The following ZCCHC7 variants were observed in gnomAD, a reference collection of about 807,000 sequenced individuals.
ZCCHC7 encodes the protein zinc finger CCHC domain-containing protein 7.
Under a neutral mutation model 52.0 loss-of-function variants are expected in ZCCHC7, and 35 were observed. That is an observed-to-expected ratio of 0.67 (90% confidence interval 0.51 to 0.89). The LOEUF (loss-of-function observed/expected upper bound fraction) is 0.89. ZCCHC7 is among the 40% of genes least tolerant of loss of function. The pLI is 0.00. For synonymous variants in ZCCHC7, 217 were observed against 221.5 expected (o/e 0.98, Z 0.18); for missense variants, 574 against 649.1 (o/e 0.88, Z 1.26).
intron 4 of ZCCHC7, among the ~76,000 whole-genome samples, chr9:37,305,131 T>G (rs1829238824): frequency 6.6e-6 from 1 of 152,220 alleles, no homozygotes; most frequent in Non-Finnish European, 1.5e-5. Context: ...CTCCTTCCTC[T>G]TCCAAATGAC....
intron 2 of ZCCHC7, among the ~76,000 whole-genome samples, chr9:37,129,924 C>A (rs1292552127): frequency 6.6e-6 from 1 of 152,128 alleles, no homozygotes; most frequent in African/African-American, 2.4e-5. Context: ...AGGTAGTACT[C>A]GTGACTTACA....
At chr9:37,307,994 G>C (rs1829409881) in intron 5 of ZCCHC7, among the ~76,000 whole-genome samples, 1 of 152,104 alleles carries the variant, frequency 6.6e-6, no homozygotes, top group African/African-American at 2.4e-5. Flanking sequence ...CCTACCAGCA[G>C]TGTTAAGAGA....
chr9:37,259,767 C>A (rs1826775834), intron 2 of ZCCHC7, among the ~76,000 whole-genome samples: 1 of 152,048 alleles, frequency 6.6e-6, no homozygotes, highest in South Asian at 2.1e-4. Flanking sequence ...TGTACAACTT[C>A]CAAGAAACCA....
At chr9:37,210,238 T>C (rs181381341) in intron 2 of ZCCHC7, among the ~76,000 whole-genome samples, 1 of 152,298 alleles carries the variant, frequency 6.6e-6, no homozygotes, top group Admixed American at 6.5e-5. Flanking sequence ...AAACTGACAG[T>C]TGGTGTGACT....
At chr9:37,245,059 A>G (rs1826026878) in intron 2 of ZCCHC7, among the ~76,000 whole-genome samples, 1 of 152,008 alleles carries the variant, frequency 6.6e-6, no homozygotes, top group Non-Finnish European at 1.5e-5. Flanking sequence ...TTTTTAAGAC[A>G]AATCAAATTT....
intron 2 of ZCCHC7, among the ~76,000 whole-genome samples, chr9:37,249,306 T>C (rs1826208140): frequency 6.6e-6 from 1 of 152,156 alleles, no homozygotes; most frequent in African/African-American, 2.4e-5. Context: ...ACAGTTCTTA[T>C]TCTCAACACT....
rs1826139400 is a variant in ZCCHC7 at position 37,247,745 on chromosome 9, GA to G, written c.611-54438del. ...GCAACACAGGGAGACCCCATCTCTA[GA>G]AAAATAAAAAATAAAAACAATTAGC... On this transcript the variant is annotated intron_variant, in intron 2 of 8. Transcript: ENST00000336755. 2.6e-5 allele frequency among the ~76,000 whole-genome samples: 4 copies of G among 151,648 alleles called. No homozygotes were observed. In the South Asian group the frequency reaches 8.3e-4, roughly 31 times the overall value.
At chr9:37,153,958 C>A (rs1052558419) in intron 2 of ZCCHC7, among the ~76,000 whole-genome samples, 1 of 152,108 alleles carries the variant, frequency 6.6e-6, no homozygotes, top group African/African-American at 2.4e-5. Flanking sequence ...GGTACAATCA[C>A]GGTTCATTGC....
chr9:37,132,539 T>C (rs1407935006), intron 2 of ZCCHC7, among the ~76,000 whole-genome samples: 1 of 152,220 alleles, frequency 6.6e-6, no homozygotes, highest in Non-Finnish European at 1.5e-5. Flanking sequence ...TGTATGTGTG[T>C]GTATACACAT....
rs557542865 is a variant in ZCCHC7 at position 37,164,283 on chromosome 9, A to G, written c.610+37341A>G. On this transcript the variant is annotated intron_variant, in intron 2 of 8. Transcript: ENST00000336755. The stretch of plus-strand genomic sequence containing the variant: ...ATGGCAAAACCCCATCTCTGTAACT[A>G]AAAATACAAAAATTAGCCAGGCATG... Among the ~76,000 whole-genome samples the G allele has an allele frequency of 4.6e-5, 7 of 152,190 alleles. 1 individual carries two copies. The highest frequency in any genetic ancestry group is 1.7e-4 in the African/African-American group (7 of 41,496).
At chr9:37,187,008 T>C (rs993383993) in intron 2 of ZCCHC7, 1 of 228,296 alleles carries the variant, frequency 4.4e-6, no homozygotes, top group Non-Finnish European at 8.6e-6. Flanking sequence ...TGAAACTTCT[T>C]CACTGCTTTT....
At chr9:37,222,995 G>T (rs936982471) in intron 2 of ZCCHC7, among the ~76,000 whole-genome samples, 1 of 151,978 alleles carries the variant, frequency 6.6e-6, no homozygotes, top group East Asian at 1.9e-4. Flanking sequence ...ATGAGCATTC[G>T]TATACATATA....
chr9:37,127,030 TCCG>T lies in ZCCHC7; in HGVS notation c.610+89_610+91del, dbSNP rs1842569553. ...TAGAGAAAAGACCAATAGGGTCTAC[TCCG>T]TTTAATTCCTCACTTTTTGGTCTTG... On this transcript the variant is annotated intron_variant, in intron 2 of 8. Coordinates refer to ENST00000336755, the MANE Select transcript of ZCCHC7 (RefSeq NM_032226.3). 3 of 1,451,774 alleles carry T rather than the reference TCCG, an allele frequency of 2.1e-6. No homozygotes were observed. The Admixed American group carries it at 6.6e-5, about 32-fold the overall frequency. 89.9% of individuals were successfully genotyped at this position (1,451,774 alleles called of 1,614,324 possible).
At chr9:37,150,635 A>G (rs1245438632) in intron 2 of ZCCHC7, among the ~76,000 whole-genome samples, 1 of 152,236 alleles carries the variant, frequency 6.6e-6, no homozygotes, top group Non-Finnish European at 1.5e-5. Flanking sequence ...AAGGCATTGC[A>G]TCACATATAA....
At chr9:37,280,635 C>G (rs1827910526) in intron 2 of ZCCHC7, among the ~76,000 whole-genome samples, 1 of 151,642 alleles carries the variant, frequency 6.6e-6, no homozygotes, top group Non-Finnish European at 1.5e-5. Context: ...TGGAAAGTCC[C>G]CAAATATTGG....
At chr9:37,222,326 A>AGAGT (rs1225084199) in intron 2 of ZCCHC7, among the ~76,000 whole-genome samples, 2 of 121,594 alleles carry the variant, frequency 1.6e-5, no homozygotes, top group East Asian at 5.2e-4. Context: ...CCAGAATAAC[A>AGAGT]GAGTGTGTGT....
At position 37,354,647 on chromosome 9, in the gene ZCCHC7, C is replaced by G. The variant is rs1434253927; in HGVS notation, c.1084-63C>G. On this transcript the variant is annotated intron_variant, in intron 7 of 8. Transcript: ENST00000336755. The surrounding 1 kb of genome is among the most constrained non-coding windows in gnomAD (Gnocchi z 4.0). ...ATTTCTAATTAACATGCTCCAGAAT[C>G]TTGCAAAAAGGTTTTTGAACAGTGT... 1 of 1,185,918 alleles carries G rather than the reference C, an allele frequency of 8.4e-7. No homozygotes were observed. The highest frequency in any genetic ancestry group is 1.3e-5 in the South Asian group (1 of 76,146). The allele number at this position is 1,185,918 out of a possible 1,614,324, so 73.5% of individuals were successfully genotyped here.
intron 2 of ZCCHC7, among the ~76,000 whole-genome samples, chr9:37,228,918 C>T (rs987291965): frequency 7.5e-5 from 11 of 146,696 alleles, no homozygotes; most frequent in African/African-American, 2.7e-4. Context: ...TCACTGCAAC[C>T]TCTGCCTCCC....
intron 2 of ZCCHC7, among the ~76,000 whole-genome samples, chr9:37,238,870 G>C (rs529022276): frequency 6.6e-6 from 1 of 152,244 alleles, no homozygotes; most frequent in South Asian, 2.1e-4. Flanking sequence ...AGCTGGAAAA[G>C]CAGCTTTTTA....
Sources: allele counts gnomAD v4.1 joint callset (sites outside exome capture counted in the v4.1 genomes callset), GRCh38; gene constraint gnomAD v4.1.1; non-coding constraint Gnocchi (gnomAD v3.1); transcripts MANE v1.5; gene names NCBI Gene and HGNC (gene_info 2026-07-23, HGNC 2026-07-21).